The following SLC24A2 variants were observed in gnomAD, a reference collection of about 807,000 sequenced individuals.
SLC24A2 encodes the protein sodium/potassium/calcium exchanger 2.
A neutral mutation model predicts 62.0 loss-of-function variants in SLC24A2; 36 were observed. The observed-to-expected ratio is 0.58, with a 90% CI of 0.44 to 0.77. The LOEUF (loss-of-function observed/expected upper bound fraction) is 0.77, where lower values mean the gene tolerates loss of function less well. SLC24A2 is among the 30% of genes least tolerant of loss of function. The probability of loss-of-function intolerance (pLI) is 0.00; values close to 1 mark genes in which losing one functional copy is unlikely to be tolerated. For missense variants in SLC24A2, 846 were observed against 817.9 expected, an observed-to-expected ratio of 1.03 and a Z score of -0.42; for synonymous variants, 358 against 294.0, an observed-to-expected ratio of 1.22 and a Z score of -2.23.
At chr9:19,947,412 G>A in the SLC24A2 span, among the ~76,000 whole-genome samples, 1 of 150,526 alleles carries the variant, frequency 6.6e-6, no homozygotes, top group African/African-American at 2.4e-5. Flanking sequence ...AGGAAGGAAG[G>A]AGGAAGGAAG....
At chr9:20,016,075 T>C in the SLC24A2 span, among the ~76,000 whole-genome samples, 1 of 152,218 alleles carries the variant, frequency 6.6e-6, no homozygotes, top group Non-Finnish European at 1.5e-5. Flanking sequence ...TACCACAGAT[T>C]GGAAAATATA....
the SLC24A2 span, among the ~76,000 whole-genome samples, chr9:20,171,333 A>G: frequency 2.0e-5 from 3 of 152,042 alleles, no homozygotes; most frequent in Admixed American, 6.6e-5. Flanking sequence ...CAGGCAACAA[A>G]TAGCATGATG....
chr9:20,279,324 A>T, the SLC24A2 span, among the ~76,000 whole-genome samples: 2 of 152,232 alleles, frequency 1.3e-5, no homozygotes, highest in African/African-American at 4.8e-5. Flanking sequence ...TGAGGTCAGG[A>T]GTTCAAGACC....
At chr9:19,949,605 C>T in the SLC24A2 span, among the ~76,000 whole-genome samples, 1 of 152,138 alleles carries the variant, frequency 6.6e-6, no homozygotes, top group African/African-American at 2.4e-5. Context: ...CTGCATTTCC[C>T]AGCCTTCCTT....
the SLC24A2 span, among the ~76,000 whole-genome samples, chr9:20,041,779 C>T: frequency 8.5e-5 from 13 of 152,250 alleles, no homozygotes; most frequent in Admixed American, 3.9e-4. Context: ...AGTAGCCAGT[C>T]GGGGGTCTAA....
intron 2 of SLC24A2, among the ~76,000 whole-genome samples, chr9:19,673,413 T>C (rs1819473030): frequency 2.0e-5 from 3 of 147,412 alleles, no homozygotes; most frequent in Non-Finnish European, 4.4e-5. Flanking sequence ...TTTAAGTTTA[T>C]GGTGAGTTCT....
intron 2 of SLC24A2, among the ~76,000 whole-genome samples, chr9:19,672,412 G>C (rs1819447736): frequency 6.8e-6 from 1 of 146,210 alleles, no homozygotes; most frequent in Admixed American, 6.7e-5. Context: ...TTCTAATTGA[G>C]CTTATTTGGG....
chr9:19,593,247 C>G lies in SLC24A2; in HGVS notation c.1129+3982G>C, dbSNP rs146434092. On this transcript the variant is annotated intron_variant, in intron 5 of 10. Transcript: ENST00000341998. Reference sequence around the variant, plus strand: ...CTCATGCCTGTGTCTCCCACAAGGTCATGAGTTCTTTAGGAGAACTGTGTT... The same window carrying G: ...CTCATGCCTGTGTCTCCCACAAGGTGATGAGTTCTTTAGGAGAACTGTGTT... Among the ~76,000 whole-genome samples the G allele has an allele frequency of 7.9e-4, 120 of 152,352 alleles. No homozygotes were observed. The East Asian group carries it at 0.011, about 14-fold the overall frequency.
chr9:20,290,453 T>C, the SLC24A2 span, among the ~76,000 whole-genome samples: 2 of 152,256 alleles, frequency 1.3e-5, no homozygotes, highest in Non-Finnish European at 2.9e-5. Context: ...AGGCCAGCCT[T>C]GGCCAGCTTC....
chr9:20,234,192 A>G, the SLC24A2 span, among the ~76,000 whole-genome samples: 3 of 152,038 alleles, frequency 2.0e-5, no homozygotes. Context: ...GGTGAATCTG[A>G]CAATTATGTG....
chr9:19,662,634 C>A (rs1819135510), intron 2 of SLC24A2, among the ~76,000 whole-genome samples: 1 of 152,088 alleles, frequency 6.6e-6, no homozygotes. Context: ...TGCTTGTAGT[C>A]CCTAAACCTG....
chr9:20,229,126 T>A, the SLC24A2 span, among the ~76,000 whole-genome samples: 1 of 152,176 alleles, frequency 6.6e-6, no homozygotes, highest in Non-Finnish European at 1.5e-5. Flanking sequence ...CTAATTCCAC[T>A]TGTTTTTTCC....
intron 9 of SLC24A2, among the ~76,000 whole-genome samples, chr9:19,521,658 T>C (rs1833205304): frequency 6.6e-6 from 1 of 152,218 alleles, no homozygotes; most frequent in Non-Finnish European, 1.5e-5. Context: ...GTCCAAGATC[T>C]GGCTCTGGTA....
At chr9:19,647,680 G>C (rs538939053) in intron 2 of SLC24A2, among the ~76,000 whole-genome samples, 40 of 152,340 alleles carry the variant, frequency 2.6e-4, no homozygotes, top group African/African-American at 9.6e-4. Flanking sequence ...TGTATTACCA[G>C]TAGGAAAGGA....
intron 2 of SLC24A2, among the ~76,000 whole-genome samples, chr9:19,684,058 T>C (rs1381786534): frequency 2.0e-5 from 3 of 152,100 alleles, no homozygotes; most frequent in Admixed American, 6.6e-5. Flanking sequence ...AAATCAAGAA[T>C]TGGGTTTAAA....
At chr9:20,234,198 A>C in the SLC24A2 span, among the ~76,000 whole-genome samples, 9 of 151,852 alleles carry the variant, frequency 5.9e-5, no homozygotes, top group African/African-American at 2.2e-4. Flanking sequence ...TCTGACAATT[A>C]TGTGTCTTGG....
the SLC24A2 span, among the ~76,000 whole-genome samples, chr9:20,198,097 A>C: frequency 6.6e-6 from 1 of 152,210 alleles, no homozygotes; most frequent in Admixed American, 6.5e-5. Flanking sequence ...CCAGGTACCA[A>C]GGCTCCACAC....
the SLC24A2 span, among the ~76,000 whole-genome samples, chr9:20,282,622 T>G: frequency 6.6e-6 from 1 of 152,162 alleles, no homozygotes; most frequent in Non-Finnish European, 1.5e-5. Flanking sequence ...TGGTATCTTT[T>G]CAACTATTAA....
chr9:19,940,621 C>T, the SLC24A2 span, among the ~76,000 whole-genome samples: 5 of 152,142 alleles, frequency 3.3e-5, no homozygotes, highest in African/African-American at 9.7e-5. Flanking sequence ...GCTTTCCACA[C>T]GTGTCTCTGT....
Sources: gnomAD v4.1 joint callset for allele counts (sites outside exome capture counted in the v4.1 genomes callset) on GRCh38, gnomAD v4.1.1 for gene constraint, MANE v1.5 for transcripts, NCBI Gene and HGNC (gene_info 2026-07-23, HGNC 2026-07-21) for gene names.